Variants in FLACC1 observed in about 807,000 individuals in gnomAD.
FLACC1 encodes the protein flagellum-associated coiled-coil domain-containing protein 1.
FLACC1 carries 66 observed loss-of-function variants against 62.8 expected under a neutral mutation model. The observed-to-expected ratio is 1.05, with a 90% CI of 0.86 to 1.29. The LOEUF (loss-of-function observed/expected upper bound fraction) is 1.29, where lower values mean the gene tolerates loss of function less well. Among genes scored for constraint, FLACC1 ranks in the 50% most tolerant of loss-of-function variants. The pLI is 0.00. For missense variants in FLACC1, 452 were observed against 489.1 expected, an observed-to-expected ratio of 0.92 and a Z score of 0.71; for synonymous variants, 156 against 161.0, an observed-to-expected ratio of 0.97 and a Z score of 0.24.
chr2:201,325,001 G>A (rs57447169), intron 9 of FLACC1, among the ~76,000 whole-genome samples: 16,846 of 152,096 alleles, frequency 0.11, 980 homozygotes, highest in Non-Finnish European at 0.13. Flanking sequence ...GGTAACAGGC[G>A]CCTGTAGTCT....
intron 11 of FLACC1, among the ~76,000 whole-genome samples, chr2:201,305,942 G>T (rs541313085): frequency 1.4e-5 from 2 of 144,654 alleles, no homozygotes; most frequent in African/African-American, 5.1e-5. Flanking sequence ...TGTGGGGTGG[G>T]GGGAGGGGGG....
Position 201,351,397 on chromosome 2 carries a change from G to A in FLACC1, c.8C>T (p.Pro3Leu). The A allele has an allele frequency of 6.2e-7, 1 of 1,613,504 alleles. No homozygotes were observed. Among genetic ancestry groups the A allele is most frequent in the Non-Finnish European group, 8.5e-7 (1 of 1,179,706 alleles). MY[P>L]NPLIYCTCWD... ...GCAGGTGCAGTAGATGAGAGGGTTG[G>A]GGTACATGGCCAAAGGTCAGGGGGA... Residue 3 changes from proline (P) to leucine (L), a missense_variant, in exon 2 of 15, where the codon CCC becomes CTC. This residue lies in a region of FLACC1 where 147 missense variants were observed against 152.7 expected (regional missense o/e 0.96). Transcript: ENST00000392257.
intron 12 of FLACC1, among the ~76,000 whole-genome samples, chr2:201,293,497 A>G (rs1204051569): frequency 2.0e-5 from 3 of 152,258 alleles, no homozygotes; most frequent in Admixed American, 6.5e-5. Flanking sequence ...ACAACATACC[A>G]GAATCTCTGG....
rs183325724 is a variant in FLACC1, at chr2:201,337,696, A to G, written c.524+4674T>C. On this transcript the variant is annotated intron_variant, in intron 7 of 14. Coordinates refer to ENST00000392257, the MANE Select transcript of FLACC1 (RefSeq NM_001127391.3). ...ACTCCATAATACCTGGCTAATTTTT[A>G]ATCTTTTGTGTAGACGGTGTCTCGC... is the stretch of plus-strand genomic sequence containing the variant. Among the ~76,000 whole-genome samples the G allele has an allele frequency of 7.9e-5, 12 of 152,132 alleles. No individual in the cohort carries two copies. The East Asian group carries it at 2.1e-3, about 27-fold the overall frequency.
intron 10 of FLACC1, 142 bp downstream of exon 10, chr2:201,309,009 C>T (rs1010968531): frequency 3.3e-5 from 23 of 698,740 alleles, no homozygotes; most frequent in Non-Finnish European, 3.0e-5. Context: ...CATGAAAACT[C>T]TGGGCACCTT....
At chr2:201,322,979 T>G (rs1467275776) in intron 9 of FLACC1, among the ~76,000 whole-genome samples, 1 of 151,832 alleles carries the variant, frequency 6.6e-6, no homozygotes, top group African/African-American at 2.4e-5. Flanking sequence ...CTAGAACAAG[T>G]AGAAGAAAGA....
intron 9 of FLACC1, among the ~76,000 whole-genome samples, chr2:201,318,280 A>C (rs1576440492): frequency 6.6e-6 from 1 of 152,218 alleles, no homozygotes; most frequent in Non-Finnish European, 1.5e-5. Flanking sequence ...TTTGCATGGC[A>C]AAAAGAACAG....
intron 3 of FLACC1, among the ~76,000 whole-genome samples, chr2:201,348,621 G>A (rs2125620513): frequency 6.6e-6 from 1 of 152,162 alleles, no homozygotes; most frequent in Admixed American, 6.5e-5. Flanking sequence ...TGAGTCAGGT[G>A]ACACCCCCCA....
intron 9 of FLACC1, among the ~76,000 whole-genome samples, chr2:201,309,925 A>AAAAAAAAAAAAAAAAAAAGAAG (rs764506462): frequency 2.0e-5 from 2 of 99,464 alleles, no homozygotes; most frequent in Admixed American, 1.0e-4. Context: ...AAAAAAAAAA[A>AAAAAAAAAAAAAAAAAAAGAAG]AAGAAGAAGA....
intron 10 of FLACC1, 120 bp from the exon 11 acceptor site, chr2:201,307,742 C>A: frequency 2.6e-6 from 2 of 770,108 alleles, no homozygotes; most frequent in Admixed American, 2.1e-5. Flanking sequence ...AAGGTCATTG[C>A]AGCCTGGTGT....
chr2:201,307,540 C>G lies in FLACC1; in HGVS notation c.858G>C (p.Glu286Asp). Residue 286 changes from glutamate (E) to aspartate (D), a missense_variant, in exon 11 of 15, where the codon GAG becomes GAC. Coordinates refer to ENST00000392257, the MANE Select transcript of FLACC1 (RefSeq NM_001127391.3). Reference sequence around the variant, plus strand: ...TTACCTCCTTCTCTTGAATGAAGTTCTCAAAGACAGCACTGCAGGATTCAT... The same window carrying G: ...TTACCTCCTTCTCTTGAATGAAGTTGTCAAAGACAGCACTGCAGGATTCAT... Reference protein sequence around the residue: ...KINESCSAVFENFIQEKEELL... With the variant: ...KINESCSAVFDNFIQEKEELL... The G allele has an allele frequency of 1.2e-6, 2 of 1,614,146 alleles. No homozygotes were observed. Among genetic ancestry groups the G allele is most frequent in the Non-Finnish European group, 1.7e-6 (2 of 1,179,972 alleles).
intron 6 of FLACC1, among the ~76,000 whole-genome samples, chr2:201,342,748 T>C (rs755309103): frequency 2.6e-4 from 39 of 152,258 alleles, no homozygotes; most frequent in Non-Finnish European, 4.7e-4. Flanking sequence ...TGTTACATCA[T>C]GGCCTTCAGA....
At chr2:201,332,674 CT>C (rs369464804) in intron 7 of FLACC1, among the ~76,000 whole-genome samples, 470 of 152,214 alleles carry the variant, frequency 3.1e-3, no homozygotes, top group African/African-American at 0.011. Flanking sequence ...TTTCTCCTGC[CT>C]AATTGAGATT....
chr2:201,342,403 G>T lies in FLACC1; in HGVS notation c.491C>A (p.Ala164Asp). The change falls in exon 7 of 15, where the codon GCT becomes GAT. Residue 164 changes from alanine (A) to aspartate (D), a missense_variant. Physicochemically the swap from Ala to Asp is moderately radical, Grantham distance 126. Coordinates refer to ENST00000392257, the MANE Select transcript of FLACC1 (RefSeq NM_001127391.3). ...GTTTTCAAAGTTCTGTTTCATCTCA[G>T]CACAGCGGAGATCCATTTCACTGGA... ...LLSSEMDLRC[A>D]EMKQNFENKN... The T allele has an allele frequency of 6.2e-7, 1 of 1,614,226 alleles. No individual in the cohort carries two copies. The highest frequency in any genetic ancestry group is 1.6e-4 in the Middle Eastern group (1 of 6,062).
chr2:201,354,617 G>A (rs548859637), intron 1 of FLACC1, among the ~76,000 whole-genome samples: 1 of 152,258 alleles, frequency 6.6e-6, no homozygotes, highest in East Asian at 1.9e-4. Context: ...GTGCCCAGGT[G>A]GGAAGATGAT....
At chr2:201,312,332 A>G (rs1287092779) in intron 9 of FLACC1, among the ~76,000 whole-genome samples, 1 of 152,212 alleles carries the variant, frequency 6.6e-6, no homozygotes, top group African/African-American at 2.4e-5. Context: ...CATTCACTAT[A>G]GACACAAAAA....
chr2:201,320,439 C>T (rs2110691), intron 9 of FLACC1, among the ~76,000 whole-genome samples: 50,941 of 152,178 alleles, frequency 0.33, 10,110 homozygotes, highest in East Asian at 0.48. Context: ...TGACTCGGGA[C>T]AGTTGCAAGT....
At chr2:201,362,118 T>C (rs1183830203), upstream of FLACC1, among the ~76,000 whole-genome samples, 1 of 152,178 alleles carries the variant, frequency 6.6e-6, no homozygotes, top group Non-Finnish European at 1.5e-5. Flanking sequence ...AAACTAACAA[T>C]AGAAGTCAAC....
chr2:201,347,152 CT>C (rs34502400), intron 4 of FLACC1, among the ~76,000 whole-genome samples: 62,676 of 152,108 alleles, frequency 0.41, 13,763 homozygotes, highest in South Asian at 0.54. Flanking sequence ...GAGAAAATGA[CT>C]AGGACGGTTG....
Sources: allele counts gnomAD v4.1 joint callset (sites outside exome capture counted in the v4.1 genomes callset), GRCh38; gene constraint gnomAD v4.1.1; regional missense constraint gnomAD v4.1.1; transcripts MANE v1.5; gene names NCBI Gene and HGNC (gene_info 2026-07-23, HGNC 2026-07-21).